SAMSN1: variants seen among roughly 807,000 people sequenced by gnomAD.
SAMSN1 encodes the protein SAM domain, SH3 domain and nuclear localization signals 1.
SAMSN1 carries 31 observed loss-of-function variants against 42.0 expected under a neutral mutation model. That is an observed-to-expected ratio of 0.74 (90% CI 0.55 to 1.00). SAMSN1 has a LOEUF of 1.00. SAMSN1 is among the 50% of genes least tolerant of loss of function. The pLI is 0.00. For synonymous variants in SAMSN1, 178 were observed against 151.9 expected, an observed-to-expected ratio of 1.17 and a Z score of -1.26; for missense variants, 464 against 439.4, an observed-to-expected ratio of 1.06 and a Z score of -0.50.
chr21:14,547,216 A>G (rs959996999), upstream of SAMSN1, among the ~76,000 whole-genome samples: 1 of 152,228 alleles, frequency 6.6e-6, no homozygotes, highest in African/African-American at 2.4e-5. Context: ...GTTCTGGTTA[A>G]CAAAGAGATC....
intron 6 of SAMSN1, among the ~76,000 whole-genome samples, chr21:14,596,146 C>T (rs1013950439): frequency 5.3e-5 from 8 of 152,012 alleles, no homozygotes; most frequent in African/African-American, 1.9e-4. Context: ...AGTATAACTT[C>T]GGATAAGGAA....
intron 6 of SAMSN1, among the ~76,000 whole-genome samples, chr21:14,594,361 A>G (rs1982193389): frequency 6.6e-6 from 1 of 152,090 alleles, no homozygotes; most frequent in African/African-American, 2.4e-5. Context: ...GTCTATGTGT[A>G]TTAGATTCAC....
intron 2 of SAMSN1, among the ~76,000 whole-genome samples, chr21:14,573,203 G>A (rs1278356291): frequency 2.0e-5 from 3 of 152,114 alleles, no homozygotes; most frequent in African/African-American, 7.2e-5. Context: ...CTCCAACCAA[G>A]CACTCTTTAT....
intron 1 of SAMSN1, chr21:14,582,519 T>C: frequency 5.1e-6 from 4 of 787,220 alleles, no homozygotes; most frequent in Non-Finnish European, 8.2e-6. Flanking sequence ...TTAAAAACTA[T>C]GATTATAATT....
Position 14,486,069 on chromosome 21 carries a change from G to A in SAMSN1, c.965C>T (p.Ser322Leu), listed in dbSNP as rs1986422174. ...ENEPEPLSLS[S>L]DISLNKSQLD... Reference sequence around the variant, plus strand: ...CTGTGACTTATTTAAGGAGATGTCTGAGCTCAAGGATAGGGGCTCAGGTTC... The same window carrying A: ...CTGTGACTTATTTAAGGAGATGTCTAAGCTCAAGGATAGGGGCTCAGGTTC... The change falls in exon 8 of 8, where the codon TCA becomes TTA. Residue 322 changes from serine to leucine, a missense_variant. By Grantham distance (145) the Ser-to-Leu change is moderately radical. Transcript: ENST00000400566. The A allele has an allele frequency of 6.2e-7, 1 of 1,613,650 alleles. No homozygotes were observed. The highest frequency in any genetic ancestry group is 8.5e-7 in the Non-Finnish European group (1 of 1,179,738).
At position 14,485,750 on chromosome 21, in the gene SAMSN1, G is replaced by C. The variant is rs963339216; in HGVS notation, c.*162C>G. 3 of 556,466 alleles carry C rather than the reference G, an allele frequency of 5.4e-6. No individual in the cohort carries two copies. The highest frequency in any genetic ancestry group is 9.5e-6 in the Non-Finnish European group (3 of 315,818). 34.5% of individuals were successfully genotyped at this position (556,466 alleles called of 1,614,324 possible). A position where few individuals can be genotyped will look rare whatever the true frequency, so the allele number is the denominator to read the frequency against. On this transcript the variant is annotated 3_prime_UTR_variant, in exon 8 of 8. Transcript: ENST00000400566. The stretch of plus-strand genomic sequence containing the variant: ...TATTTTATTGACAGTAATTTGGAAT[G>C]TTAGAGATACAAAATTTTATGTACA...
At chr21:14,509,031 G>A (rs192217645) in intron 5 of SAMSN1, among the ~76,000 whole-genome samples, 4 of 151,972 alleles carry the variant, frequency 2.6e-5, no homozygotes, top group Admixed American at 2.0e-4. Flanking sequence ...GAGGAGAATC[G>A]CTTGAACCCA....
intron 2 of SAMSN1, among the ~76,000 whole-genome samples, chr21:14,520,497 T>C (rs927280855): frequency 6.6e-6 from 1 of 152,206 alleles, no homozygotes; most frequent in Non-Finnish European, 1.5e-5. Flanking sequence ...TTCTATCTTT[T>C]CGGGTTCATG....
chr21:14,587,771 AAT>A (rs1491090783), upstream of SAMSN1, among the ~76,000 whole-genome samples: 8 of 136,212 alleles, frequency 5.9e-5, no homozygotes, highest in East Asian at 4.3e-4. Flanking sequence ...TTATTTTTTA[AAT>A]TTTTTTTATT....
At chr21:14,525,047 A>G (rs1600894338) in intron 1 of SAMSN1, among the ~76,000 whole-genome samples, 1 of 152,324 alleles carries the variant, frequency 6.6e-6, no homozygotes, top group East Asian at 1.9e-4. Flanking sequence ...CATCAACTAA[A>G]TAGTTGATGA....
At chr21:14,621,020 G>A (rs762760655) in intron 2 of SAMSN1, among the ~76,000 whole-genome samples, 39 of 152,196 alleles carry the variant, frequency 2.6e-4, no homozygotes, top group African/African-American at 4.8e-4. Context: ...AATGCCACAC[G>A]CAAACTGAAT....
At chr21:14,594,068 T>A (rs1343233121) in exon 7 of SAMSN1, 8 of 712,774 alleles carry the variant, frequency 1.1e-5, no homozygotes, top group Non-Finnish European at 2.1e-5. Flanking sequence ...ACTCCAACAT[T>A]CAGAGGTCAC....
chr21:14,646,490 C>T (rs1430735754), intron 1 of SAMSN1, among the ~76,000 whole-genome samples: 1 of 152,100 alleles, frequency 6.6e-6, no homozygotes, highest in South Asian at 2.1e-4. Context: ...TCAAGAACGC[C>T]AGGTCAGTCC....
chr21:14,572,390 C>T (rs1981328220), intron 2 of SAMSN1, among the ~76,000 whole-genome samples: 1 of 152,128 alleles, frequency 6.6e-6, no homozygotes. Context: ...CAGTTGAAGT[C>T]CAGGCTTATT....
intron 2 of SAMSN1, among the ~76,000 whole-genome samples, chr21:14,581,156 G>A (rs1451976738): frequency 1.3e-5 from 2 of 151,678 alleles, no homozygotes; most frequent in African/African-American, 4.8e-5. Context: ...TCACATAATA[G>A]CCTTAGAGTC....
intron 1 of SAMSN1, among the ~76,000 whole-genome samples, chr21:14,521,796 A>G (rs926387298): frequency 6.6e-6 from 1 of 152,200 alleles, no homozygotes; most frequent in African/African-American, 2.4e-5. Context: ...TGACAGGTGC[A>G]GCAAAACACC....
chr21:14,593,477 A>G (rs1405605736), intron 7 of SAMSN1, among the ~76,000 whole-genome samples: 6 of 152,166 alleles, frequency 3.9e-5, no homozygotes, highest in Non-Finnish European at 8.8e-5. Context: ...TATCTCAACA[A>G]GGAAAGGAAG....
At chr21:14,593,177 C>T (rs948078411) in intron 7 of SAMSN1, among the ~76,000 whole-genome samples, 3 of 151,960 alleles carry the variant, frequency 2.0e-5, no homozygotes, top group Non-Finnish European at 4.4e-5. Flanking sequence ...GAAGAGAGAG[C>T]TATAAATAAA....
chr21:14,606,203 C>T (rs1235920378), intron 5 of SAMSN1, among the ~76,000 whole-genome samples: 1 of 152,160 alleles, frequency 6.6e-6, no homozygotes. Flanking sequence ...TCTCTTATTA[C>T]TAACATTGTT....
Sources: allele counts gnomAD v4.1 joint callset (sites outside exome capture counted in the v4.1 genomes callset), GRCh38; gene constraint gnomAD v4.1.1; transcripts MANE v1.5; gene names NCBI Gene and HGNC (gene_info 2026-07-23, HGNC 2026-07-21).